The following RNF152 variants were observed in gnomAD, a reference collection of about 807,000 sequenced individuals.
RNF152 encodes the protein ring finger protein 152.
RNF152 carries 11 observed loss-of-function variants against 12.7 expected under a neutral mutation model. The ratio of observed to expected loss-of-function variants is 0.86; its 90% CI spans 0.54 to 1.43. The LOEUF (loss-of-function observed/expected upper bound fraction) is 1.43. RNF152 is among the 40% of genes most tolerant of loss of function. RNF152 has a pLI of 0.00. For missense variants in RNF152, 255 were observed against 274.8 expected (o/e 0.93, Z 0.51); for synonymous variants, 113 against 120.3 (o/e 0.94, Z 0.40).
chr18:61,884,870 A>C (rs1912618756), intron 1 of RNF152, among the ~76,000 whole-genome samples: 1 of 152,156 alleles, frequency 6.6e-6, no homozygotes, highest in African/African-American at 2.4e-5. Flanking sequence ...TTCAAAATAC[A>C]TTTAATGAAT....
intron 1 of RNF152, among the ~76,000 whole-genome samples, chr18:61,865,582 T>C (rs1471449028): frequency 6.6e-6 from 1 of 152,224 alleles, no homozygotes; most frequent in Non-Finnish European, 1.5e-5. Context: ...TTTTGCAAAC[T>C]TCCTAAATCC....
At chr18:61,820,347 A>C (rs1312686734) in intron 1 of RNF152, among the ~76,000 whole-genome samples, 3 of 150,608 alleles carry the variant, frequency 2.0e-5, no homozygotes, top group Non-Finnish European at 4.4e-5. Flanking sequence ...AAAAAAAAAA[A>C]AAAAAAAAAA....
chr18:61,840,305 CA>C (rs1910393877), intron 1 of RNF152, among the ~76,000 whole-genome samples: 2 of 152,178 alleles, frequency 1.3e-5, no homozygotes, highest in Non-Finnish European at 1.5e-5. Context: ...TTTGCTATAG[CA>C]GCCTGAATGG....
At chr18:61,893,710 G>T (rs1001767056), upstream of RNF152, 8 of 152,512 alleles carry the variant, frequency 5.2e-5, no homozygotes, top group African/African-American at 1.9e-4. Context: ...ATGAGCCGGG[G>T]TGTGTGCGGG....
At chr18:61,860,655 A>G (rs1457003790) in intron 1 of RNF152, among the ~76,000 whole-genome samples, 2 of 152,232 alleles carry the variant, frequency 1.3e-5, no homozygotes, top group Non-Finnish European at 2.9e-5. Flanking sequence ...CTATATTTTT[A>G]TCAGTATTTT....
At chr18:61,877,540 C>A (rs916744724) in intron 1 of RNF152, among the ~76,000 whole-genome samples, 5 of 152,174 alleles carry the variant, frequency 3.3e-5, no homozygotes, top group African/African-American at 7.2e-5. Context: ...CATATACATA[C>A]ACAGTGAAAT....
At chr18:61,833,725 A>T (rs1315780609) in intron 1 of RNF152, among the ~76,000 whole-genome samples, 1 of 152,220 alleles carries the variant, frequency 6.6e-6, no homozygotes, top group Non-Finnish European at 1.5e-5. Flanking sequence ...CCATCCCTGA[A>T]GCTGGATTAT....
At chr18:61,819,434 C>T (rs922971878) in intron 1 of RNF152, among the ~76,000 whole-genome samples, 1 of 152,144 alleles carries the variant, frequency 6.6e-6, no homozygotes, top group Admixed American at 6.6e-5. Flanking sequence ...CTGGAAAGAC[C>T]TATTGGGAGG....
chr18:61,849,047 G>A (rs1176332399), intron 1 of RNF152, among the ~76,000 whole-genome samples: 3 of 152,228 alleles, frequency 2.0e-5, no homozygotes, highest in Middle Eastern at 3.4e-3. Flanking sequence ...CTACTTTCCC[G>A]TCATTGTCAG....
At chr18:61,837,176 T>G (rs1239733835) in intron 1 of RNF152, among the ~76,000 whole-genome samples, 1 of 152,174 alleles carries the variant, frequency 6.6e-6, no homozygotes, top group Non-Finnish European at 1.5e-5. Context: ...CATGTAGGAC[T>G]AGTACTGGCT....
intron 1 of RNF152, among the ~76,000 whole-genome samples, chr18:61,837,999 G>A (rs1910265741): frequency 6.8e-6 from 1 of 146,662 alleles, no homozygotes; most frequent in South Asian, 2.2e-4. Flanking sequence ...TCTCACCTCT[G>A]TGCCAGTCTT....
chr18:61,825,330 C>CAT lies in RNF152; in HGVS notation c.-135-8734_-135-8733dup, dbSNP rs1355890038. The stretch of plus-strand genomic sequence containing the variant: ...AACTGAGCATGTATGTCCAATTGAT[C>CAT]ATATATATATAGGGATTAAACAGAA... On this transcript the variant is annotated intron_variant, in intron 1 of 1. Transcript: ENST00000312828. 5.3e-5 allele frequency among the ~76,000 whole-genome samples: 8 copies of CAT among 152,152 alleles called. No individual in the cohort carries two copies. In the South Asian group the frequency reaches 6.2e-4, roughly 12 times the overall value.
rs34966668 is a variant in RNF152 at position 61,808,387 on chromosome 18, T to TAAAAAAAAAAAAAAAAAAAAAAA, written c.*7442_*7464dup. Reference sequence around the variant, plus strand: ...TTTATCTGTAGGGCTATTTGGCCCTTAAAAAAAAAAAAAAAAAAAAAAAAA... The same window carrying TAAAAAAAAAAAAAAAAAAAAAAA: ...TTTATCTGTAGGGCTATTTGGCCCTTAAAAAAAAAAAAAAAAAAAAAAAAAAAAAAAAAAAAAAAAAAAAAAAA... On this transcript the variant is annotated 3_prime_UTR_variant, in exon 2 of 2. Coordinates refer to ENST00000312828, the MANE Select transcript of RNF152 (RefSeq NM_173557.3). 3.9e-5 allele frequency: 2 copies of TAAAAAAAAAAAAAAAAAAAAAAA among 50,794 alleles called. No homozygotes were observed. The highest frequency in any genetic ancestry group is 5.9e-4 in the East Asian group (1 of 1,696). 3.1% of individuals were successfully genotyped at this position (50,794 alleles called of 1,614,324 possible).
At chr18:61,864,891 G>A (rs184204402) in intron 1 of RNF152, among the ~76,000 whole-genome samples, 37 of 152,282 alleles carry the variant, frequency 2.4e-4, no homozygotes, top group East Asian at 9.7e-4. Context: ...GTGGTGGCGC[G>A]TGCCTGTAAT....
rs111697878 is a variant in RNF152 at position 61,866,257 on chromosome 18, G to A, written c.-136+26538C>T. ...ACCTACTGCTTCTAGACAGCGAGTC[G>A]GGCCCAGGTAGCCCCACGGATGGCT... On this transcript the variant is annotated intron_variant, in intron 1 of 1. Coordinates refer to ENST00000312828, the MANE Select transcript of RNF152 (RefSeq NM_173557.3). Among the ~76,000 whole-genome samples the A allele has an allele frequency of 8.5e-5, 13 of 152,090 alleles. 1 individual carries two copies. Among genetic ancestry groups the A allele is most frequent in the South Asian group, 2.1e-4 (1 of 4,796 alleles).
At chr18:61,838,062 T>C (rs4131217) in intron 1 of RNF152, among the ~76,000 whole-genome samples, 80 of 152,194 alleles carry the variant, frequency 5.3e-4, no homozygotes, top group Non-Finnish European at 5.3e-4. Flanking sequence ...CGTCCCCACA[T>C]ACAAAGGTAG....
chr18:61,852,485 T>C (rs1568279857), intron 1 of RNF152, among the ~76,000 whole-genome samples: 1 of 152,208 alleles, frequency 6.6e-6, no homozygotes, highest in Admixed American at 6.5e-5. Context: ...GTGTATATCA[T>C]TGAAAGATGT....
Position 61,844,870 on chromosome 18 carries a change from C to CA in RNF152, c.-135-28273dup, listed in dbSNP as rs376156120. 4.2e-3 allele frequency among the ~76,000 whole-genome samples: 562 copies of CA among 132,504 alleles called. 2 individuals carry two copies. The highest frequency in any genetic ancestry group is 0.015 in the South Asian group (61 of 4,156). The allele number at this position is 132,504 out of a possible 152,430, so 86.9% of individuals were successfully genotyped here. A position where few individuals can be genotyped will look rare whatever the true frequency, so the allele number is the denominator to read the frequency against. The stretch of plus-strand genomic sequence containing the variant: ...AGATATTCGCAATGGCCTTTTAAAA[C>CA]AAAAAAAAAAAAGCATTTATTCACC... On this transcript the variant is annotated intron_variant, in intron 1 of 1. Coordinates refer to ENST00000312828, the MANE Select transcript of RNF152 (RefSeq NM_173557.3).
intron 1 of RNF152, among the ~76,000 whole-genome samples, chr18:61,881,569 T>C (rs1251331782): frequency 4.6e-5 from 7 of 152,282 alleles, no homozygotes; most frequent in Admixed American, 2.0e-4. Context: ...CCCTTTGCCA[T>C]AGTCAAAGAC....
Sources: gnomAD v4.1 joint callset for allele counts (sites outside exome capture counted in the v4.1 genomes callset) on GRCh38, gnomAD v4.1.1 for gene constraint, MANE v1.5 for transcripts, NCBI Gene and HGNC (gene_info 2026-07-23, HGNC 2026-07-21) for gene names.